The following CTNNA3 variants were observed in gnomAD, a reference collection of about 807,000 sequenced individuals.
The protein encoded by CTNNA3 is catenin alpha-3.
Under a neutral mutation model 95.7 loss-of-function variants are expected in CTNNA3, and 76 were observed. The observed-to-expected ratio is 0.79, with a 90% CI of 0.66 to 0.96. The LOEUF (loss-of-function observed/expected upper bound fraction) is 0.96. CTNNA3 is among the 40% of genes least tolerant of loss of function. CTNNA3 has a pLI of 0.00. For synonymous variants in CTNNA3, 431 were observed against 374.4 expected, an observed-to-expected ratio of 1.15 and a Z score of -1.74; for missense variants, 1,191 against 1,089.8, an observed-to-expected ratio of 1.09 and a Z score of -1.31.
intron 9 of CTNNA3, among the ~76,000 whole-genome samples, chr10:66,747,008 A>G (rs1176731914): frequency 6.7e-6 from 1 of 149,002 alleles, no homozygotes; most frequent in Non-Finnish European, 1.5e-5. Flanking sequence ...TTTCCAAGAG[A>G]AAAAAAAAAG....
At chr10:67,026,811 T>C (rs1374345302) in intron 7 of CTNNA3, among the ~76,000 whole-genome samples, 1 of 152,160 alleles carries the variant, frequency 6.6e-6, no homozygotes, top group African/African-American at 2.4e-5. Flanking sequence ...AACAAACTCT[T>C]CTCATGTGTT....
Position 66,514,512 on chromosome 10 carries a change from T to C in CTNNA3, c.1531+6105A>G, listed in dbSNP as rs77655942. 1.4e-3 allele frequency among the ~76,000 whole-genome samples: 215 copies of C among 152,284 alleles called. 2 individuals are homozygous for C. In the East Asian group the frequency reaches 0.031, roughly 22 times the overall value. On this transcript the variant is annotated intron_variant, in intron 11 of 17. Transcript: ENST00000433211. Reference sequence around the variant, plus strand: ...AACACTCCACAATAAGGGAATAACATTGCTAATTCTAATTTAGAAGTGGTC... The same window carrying C: ...AACACTCCACAATAAGGGAATAACACTGCTAATTCTAATTTAGAAGTGGTC...
At chr10:66,441,465 T>C (rs1367326662) in intron 11 of CTNNA3, among the ~76,000 whole-genome samples, 1 of 152,232 alleles carries the variant, frequency 6.6e-6, no homozygotes, top group Non-Finnish European at 1.5e-5. Context: ...ATTTTCAATT[T>C]ATTTTGAAAT....
intron 13 of CTNNA3, among the ~76,000 whole-genome samples, chr10:66,119,956 T>C (rs2082505826): frequency 6.6e-6 from 1 of 152,184 alleles, no homozygotes; most frequent in African/African-American, 2.4e-5. Flanking sequence ...ATATTTTACC[T>C]CTTTCTCATT....
chr10:67,704,999 C>T (rs1385811898), intron 1 of CTNNA3, among the ~76,000 whole-genome samples: 3 of 152,080 alleles, frequency 2.0e-5, no homozygotes, highest in East Asian at 1.9e-4. Flanking sequence ...AAAGAAGACA[C>T]TTATGCAGCC....
At chr10:66,775,632 G>T (rs1840265460) in intron 7 of CTNNA3, 108 bp from the exon 8 acceptor site, 3 of 727,326 alleles carry the variant, frequency 4.1e-6, no homozygotes, top group African/African-American at 3.5e-5. Flanking sequence ...TCAAGAATAG[G>T]TTTCAAAACT....
In CTNNA3 at chr10:67,361,744, G is replaced by A. The variant is rs571299412; in HGVS notation, c.580-141874C>T. Among the ~76,000 whole-genome samples, 11 of 151,946 alleles carry A rather than the reference G, an allele frequency of 7.2e-5. 1 individual carries two copies. The highest frequency in any genetic ancestry group is 2.7e-4 in the African/African-American group (11 of 41,506). On this transcript the variant is annotated intron_variant, in intron 5 of 17. Transcript: ENST00000433211. Reference sequence around the variant, plus strand: ...AAAAACAAGAAGAAACTAATTCAAAGCTAACAGAAAATATAAATATCTAAA... The same window carrying A: ...AAAAACAAGAAGAAACTAATTCAAAACTAACAGAAAATATAAATATCTAAA...
rs1359151824 is a variant in CTNNA3 at position 66,621,696 on chromosome 10, G to A, written c.1370C>T (p.Pro457Leu). The A allele has an allele frequency of 1.3e-6, 2 of 1,588,966 alleles. No individual in the cohort carries two copies. The highest frequency in any genetic ancestry group is 1.7e-6 in the Non-Finnish European group (2 of 1,160,710). ...IAANHLETLC[P>L]QIINAALALA... ...AAAGTAACTTAGTTGTCATACCTGT[G>A]GACACAAGGTTTCCAAATGATTGGC... is the stretch of plus-strand genomic sequence containing the variant. Residue 457 changes from proline to leucine, a missense_variant, in exon 10 of 18, where the codon CCA becomes CTA. Coordinates refer to ENST00000433211, the MANE Select transcript of CTNNA3 (RefSeq NM_013266.4).
intron 2 of CTNNA3, among the ~76,000 whole-genome samples, chr10:67,646,687 A>G (rs1406587473): frequency 6.6e-6 from 1 of 152,072 alleles, no homozygotes; most frequent in African/African-American, 2.4e-5. Flanking sequence ...TTGAGTCCCT[A>G]GGAAAAGGGA....
chr10:67,601,072 G>A (rs1362299772), intron 3 of CTNNA3, among the ~76,000 whole-genome samples: 1 of 152,182 alleles, frequency 6.6e-6, no homozygotes, highest in African/African-American at 2.4e-5. Flanking sequence ...TCTATTTCTT[G>A]ACGTGGGTGG....
At chr10:66,177,897 G>C (rs938149317) in intron 13 of CTNNA3, among the ~76,000 whole-genome samples, 1 of 151,600 alleles carries the variant, frequency 6.6e-6, no homozygotes. Flanking sequence ...TATTCAATTT[G>C]GTTATTGGTA....
At chr10:67,346,220 T>C (rs2132629197) in intron 5 of CTNNA3, among the ~76,000 whole-genome samples, 1 of 152,310 alleles carries the variant, frequency 6.6e-6, no homozygotes, top group African/African-American at 2.4e-5. Flanking sequence ...TTATTATTTT[T>C]ATTGGCTCAT....
chr10:66,987,526 C>T (rs1275755452), intron 7 of CTNNA3, among the ~76,000 whole-genome samples: 1 of 152,136 alleles, frequency 6.6e-6, no homozygotes, highest in Non-Finnish European at 1.5e-5. Context: ...TTCCAGTTAA[C>T]TCTGAAAAAG....
chr10:66,937,197 A>T (rs1358074373), intron 7 of CTNNA3, among the ~76,000 whole-genome samples: 3 of 152,100 alleles, frequency 2.0e-5, no homozygotes, highest in African/African-American at 4.8e-5. Context: ...ATCCAGTTTG[A>T]ATTCTGTTTC....
intron 15 of CTNNA3, among the ~76,000 whole-genome samples, chr10:66,005,476 G>A (rs2078860534): frequency 6.6e-6 from 1 of 152,114 alleles, no homozygotes; most frequent in Admixed American, 6.6e-5. Context: ...TCAGGTTCTT[G>A]GTTCTTAATT....
chr10:65,924,834 T>A (rs534311152), intron 17 of CTNNA3, among the ~76,000 whole-genome samples: 4 of 152,256 alleles, frequency 2.6e-5, no homozygotes, highest in Admixed American at 2.0e-4. Flanking sequence ...TACATGGCAA[T>A]CAAGGCAAGA....
At chr10:67,289,545 C>T (rs1309875905) in intron 5 of CTNNA3, among the ~76,000 whole-genome samples, 2 of 152,120 alleles carry the variant, frequency 1.3e-5, no homozygotes, top group Non-Finnish European at 2.9e-5. Context: ...TTGGCCCTCT[C>T]ATATCCCAAA....
intron 7 of CTNNA3, among the ~76,000 whole-genome samples, chr10:67,089,737 G>GTA (rs1485707377): frequency 6.6e-6 from 1 of 151,564 alleles, no homozygotes; most frequent in Admixed American, 6.6e-5. Flanking sequence ...GTGTGTGTGT[G>GTA]TGTGTGTGTG....
intron 7 of CTNNA3, among the ~76,000 whole-genome samples, chr10:67,056,244 G>A (rs544757241): frequency 2.0e-4 from 30 of 152,258 alleles, no homozygotes; most frequent in African/African-American, 6.3e-4. Context: ...AAGAACTGGA[G>A]TGCCTGTGGA....
Sources: gnomAD v4.1 joint callset for allele counts (sites outside exome capture counted in the v4.1 genomes callset) on GRCh38, gnomAD v4.1.1 for gene constraint, MANE v1.5 for transcripts, NCBI Gene and HGNC (gene_info 2026-07-23, HGNC 2026-07-21) for gene names.